The following LCLAT1 variants were observed in gnomAD, a reference collection of about 807,000 sequenced individuals.
The protein encoded by LCLAT1 is 1-AGP acyltransferase 8.
Under a neutral mutation model 30.7 loss-of-function variants are expected in LCLAT1, and 11 were observed. The ratio of observed to expected loss-of-function variants is 0.36; its 90% confidence interval spans 0.23 to 0.59. The LOEUF is 0.59. LCLAT1 is among the 20% of genes least tolerant of loss of function. The probability of loss-of-function intolerance (pLI) is 0.77; values close to 1 mark genes in which losing one functional copy is unlikely to be tolerated. For synonymous variants in LCLAT1, 155 were observed against 151.3 expected, an observed-to-expected ratio of 1.02 and a Z score of -0.18; for missense variants, 402 against 458.6, an observed-to-expected ratio of 0.88 and a Z score of 1.13.
intron 5 of LCLAT1, among the ~76,000 whole-genome samples, chr2:30,599,383 T>C (rs1205019410): frequency 1.3e-5 from 2 of 152,246 alleles, no homozygotes; most frequent in Admixed American, 1.3e-4. Context: ...AGTGTTTTAC[T>C]TCCAATTATG....
intron 5 of LCLAT1, among the ~76,000 whole-genome samples, chr2:30,605,183 G>A (rs1010461537): frequency 5.9e-5 from 9 of 152,308 alleles, no homozygotes; most frequent in Middle Eastern, 3.4e-3. Flanking sequence ...TTTATAGTGC[G>A]GAGATTTACA....
At chr2:30,595,148 A>G (rs762245644) in intron 5 of LCLAT1, among the ~76,000 whole-genome samples, 2 of 151,876 alleles carry the variant, frequency 1.3e-5, no homozygotes, top group East Asian at 1.9e-4. Context: ...GTTCATACCC[A>G]TTTCTTATCA....
At chr2:30,461,829 G>A (rs1682151719) in intron 1 of LCLAT1, among the ~76,000 whole-genome samples, 1 of 141,796 alleles carries the variant, frequency 7.1e-6, no homozygotes, top group Non-Finnish European at 1.5e-5. Context: ...GGAGTGCAGT[G>A]GCGCGATCTC....
intron 3 of LCLAT1, among the ~76,000 whole-genome samples, chr2:30,536,132 C>G (rs1183964768): frequency 1.3e-5 from 2 of 152,180 alleles, no homozygotes; most frequent in East Asian, 3.9e-4. Flanking sequence ...ATGAAGAAAG[C>G]TTACAGAACA....
intron 5 of LCLAT1, among the ~76,000 whole-genome samples, chr2:30,618,331 G>A (rs996504832): frequency 2.6e-5 from 4 of 152,032 alleles, no homozygotes; most frequent in African/African-American, 7.2e-5. Context: ...GGATTACTTT[G>A]AATCTGTAGA....
chr2:30,516,182 C>A (rs1323863148), intron 1 of LCLAT1, among the ~76,000 whole-genome samples: 1 of 152,144 alleles, frequency 6.6e-6, no homozygotes, highest in East Asian at 1.9e-4. Context: ...AGGATATAAA[C>A]CTAGGTATTC....
chr2:30,487,766 C>A (rs1572513650), intron 1 of LCLAT1, among the ~76,000 whole-genome samples: 2 of 152,112 alleles, frequency 1.3e-5, no homozygotes, highest in African/African-American at 4.8e-5. Flanking sequence ...GAGAGAGTGA[C>A]TCTTGGGCTA....
chr2:30,459,746 T>C, intron 1 of LCLAT1: 1 of 1,521,904 alleles, frequency 6.6e-7, no homozygotes, highest in Non-Finnish European at 9.1e-7. Flanking sequence ...ATGATTTAGA[T>C]GCTTGAGGTT....
intron 1 of LCLAT1, among the ~76,000 whole-genome samples, chr2:30,498,532 TG>T (rs2148338160): frequency 6.6e-6 from 1 of 152,316 alleles, no homozygotes; most frequent in African/African-American, 2.4e-5. Context: ...CTTTCTTATC[TG>T]GGGCCTGCAG....
chr2:30,629,205 ATAAAT>A (rs969300564), intron 5 of LCLAT1, among the ~76,000 whole-genome samples: 5 of 152,176 alleles, frequency 3.3e-5, no homozygotes, highest in African/African-American at 7.2e-5. Flanking sequence ...AAGATGACAA[ATAAAT>A]TATATTACCA....
chr2:30,448,423 C>T (rs1171418975), intron 1 of LCLAT1, among the ~76,000 whole-genome samples: 2 of 152,108 alleles, frequency 1.3e-5, no homozygotes, highest in Admixed American at 6.5e-5. Flanking sequence ...GCACATTGTA[C>T]TTTGATATGC....
chr2:30,453,094 C>G (rs573901667), intron 1 of LCLAT1, among the ~76,000 whole-genome samples: 9 of 152,082 alleles, frequency 5.9e-5, no homozygotes, highest in Non-Finnish European at 1.3e-4. Context: ...TTATGGTACC[C>G]TTAGTTTTTC....
intron 2 of LCLAT1, among the ~76,000 whole-genome samples, chr2:30,531,269 GA>G (rs919435022): frequency 6.6e-6 from 1 of 151,324 alleles, no homozygotes; most frequent in African/African-American, 2.4e-5. Context: ...CGTCTCAAAA[GA>G]AAAAAAAGAA....
chr2:30,629,155 A>G (rs947160921), intron 5 of LCLAT1, among the ~76,000 whole-genome samples: 7 of 152,260 alleles, frequency 4.6e-5, no homozygotes, highest in Admixed American at 3.3e-4. Context: ...CATTTACTCT[A>G]TATATGGTAG....
intron 5 of LCLAT1, among the ~76,000 whole-genome samples, chr2:30,592,498 T>G (rs1666741416): frequency 6.6e-6 from 1 of 152,092 alleles, no homozygotes; most frequent in South Asian, 2.1e-4. Flanking sequence ...AAAAAAGAGA[T>G]ATATTAATGT....
chr2:30,450,901 C>T (rs1249870904), intron 1 of LCLAT1, among the ~76,000 whole-genome samples: 3 of 150,266 alleles, frequency 2.0e-5, no homozygotes, highest in Admixed American at 6.6e-5. Context: ...CATCTGAAGA[C>T]ACCACTAAGA....
intron 5 of LCLAT1, among the ~76,000 whole-genome samples, chr2:30,605,679 C>T (rs1269057123): frequency 6.6e-6 from 1 of 152,156 alleles, no homozygotes; most frequent in African/African-American, 2.4e-5. Context: ...AACTCTGAAG[C>T]TGCACCTTTA....
chr2:30,539,412 T>C (rs1473263550), intron 3 of LCLAT1, among the ~76,000 whole-genome samples: 1 of 152,014 alleles, frequency 6.6e-6, no homozygotes, highest in Non-Finnish European at 1.5e-5. Context: ...GCTGGCACAA[T>C]GATGCCTGGC....
At chr2:30,493,441 C>T (rs13033111) in intron 1 of LCLAT1, among the ~76,000 whole-genome samples, 18,421 of 152,180 alleles carry the variant, frequency 0.12, 1,428 homozygotes, top group East Asian at 0.29. Context: ...ATTTCATGAG[C>T]TAAAAACTGT....
Sources: gnomAD v4.1 joint callset for allele counts (sites outside exome capture counted in the v4.1 genomes callset) on GRCh38, gnomAD v4.1.1 for gene constraint, MANE v1.5 for transcripts, NCBI Gene and HGNC (gene_info 2026-07-23, HGNC 2026-07-21) for gene names.